MAST4: variants seen among roughly 807,000 people sequenced by gnomAD.
The protein encoded by MAST4 is microtubule associated serine/threonine kinase family member 4, also known as microtubule-associated serine/threonine-protein kinase 4.
MAST4 carries 89 observed loss-of-function variants against 162.7 expected under a neutral mutation model. The observed-to-expected ratio is 0.55, with a 90% CI of 0.46 to 0.65. MAST4 has a LOEUF of 0.65. Ranked by LOEUF, MAST4 falls within the 30% of genes least tolerant of loss-of-function variation. MAST4 has a pLI of 0.00. For missense variants in MAST4, 3,153 were observed against 3,374.0 expected (o/e 0.93, Z 1.62); for synonymous variants, 1,479 against 1,361.1 (o/e 1.09, Z -1.91).
intron 4 of MAST4, among the ~76,000 whole-genome samples, chr5:66,962,172 T>C (rs1378588243): frequency 6.6e-6 from 1 of 152,184 alleles, no homozygotes; most frequent in Non-Finnish European, 1.5e-5. Flanking sequence ...CACAACCAGC[T>C]TGAATCAACC....
chr5:66,901,021 A>G (rs1373489750), intron 4 of MAST4, among the ~76,000 whole-genome samples: 1 of 152,134 alleles, frequency 6.6e-6, no homozygotes, highest in Non-Finnish European at 1.5e-5. Flanking sequence ...TTTAACAGAA[A>G]ATAGTTTGCT....
intron 1 of MAST4, among the ~76,000 whole-genome samples, chr5:66,677,598 G>A (rs1170507963): frequency 5.9e-5 from 9 of 152,194 alleles, no homozygotes; most frequent in Admixed American, 4.6e-4. Context: ...TAGTAAGAGA[G>A]ATAGAAAAGG....
At chr5:66,844,965 A>G (rs1758708356) in intron 3 of MAST4, among the ~76,000 whole-genome samples, 1 of 151,328 alleles carries the variant, frequency 6.6e-6, no homozygotes, top group African/African-American at 2.4e-5. Flanking sequence ...TCTAGGTGTC[A>G]TTATCTTATG....
intron 5 of MAST4, among the ~76,000 whole-genome samples, chr5:67,076,093 G>A (rs1761613241): frequency 6.6e-6 from 1 of 151,666 alleles, no homozygotes; most frequent in African/African-American, 2.4e-5. Context: ...ACCTCTTTCT[G>A]GGAAAGAAAA....
chr5:66,772,234 A>G (rs1754392077), intron 2 of MAST4, among the ~76,000 whole-genome samples: 1 of 152,194 alleles, frequency 6.6e-6, no homozygotes, highest in African/African-American at 2.4e-5. Context: ...ACCATTTCAC[A>G]CAACACTGGA....
At chr5:66,603,418 G>C in intron 1 of MAST4, among the ~76,000 whole-genome samples, 1 of 152,154 alleles carries the variant, frequency 6.6e-6, no homozygotes, top group East Asian at 1.9e-4. Context: ...GCCATGTCCT[G>C]GGGCTAGTGA....
At chr5:66,775,805 C>T (rs1754573945) in intron 2 of MAST4, among the ~76,000 whole-genome samples, 1 of 152,056 alleles carries the variant, frequency 6.6e-6, no homozygotes, top group African/African-American at 2.4e-5. Context: ...AACAAATGGC[C>T]ATTTGGAGGC....
intron 7 of MAST4, among the ~76,000 whole-genome samples, chr5:67,097,083 A>G (rs1403611846): frequency 1.3e-5 from 2 of 152,198 alleles, no homozygotes; most frequent in South Asian, 2.1e-4. Flanking sequence ...CCTTCAGTCA[A>G]GTTTTATTAT....
chr5:66,891,264 C>T (rs1762346809), intron 3 of MAST4, among the ~76,000 whole-genome samples: 1 of 152,118 alleles, frequency 6.6e-6, no homozygotes, highest in Non-Finnish European at 1.5e-5. Context: ...TCTAAATCAG[C>T]CCAGGAGTTA....
intron 3 of MAST4, among the ~76,000 whole-genome samples, chr5:66,827,899 C>G (rs1011081739): frequency 1.3e-5 from 2 of 152,046 alleles, no homozygotes; most frequent in African/African-American, 4.8e-5. Flanking sequence ...CTGTGCCATG[C>G]CAGTAATGAA....
intron 1 of MAST4, among the ~76,000 whole-genome samples, chr5:66,636,780 T>C (rs1050399568): frequency 6.6e-6 from 1 of 152,124 alleles, no homozygotes; most frequent in Non-Finnish European, 1.5e-5. Context: ...CACTTGGAGA[T>C]GAGCTGAAGG....
chr5:66,674,229 A>T (rs1430926067), intron 1 of MAST4, among the ~76,000 whole-genome samples: 1 of 152,196 alleles, frequency 6.6e-6, no homozygotes, highest in Admixed American at 6.5e-5. Flanking sequence ...TGCTGGAATA[A>T]AGTGTGATGA....
chr5:66,647,306 T>G (rs1745905061), intron 1 of MAST4, among the ~76,000 whole-genome samples: 1 of 152,162 alleles, frequency 6.6e-6, no homozygotes. Flanking sequence ...TCTCTAACAC[T>G]AGTCATTCTG....
At chr5:66,870,960 G>C in intron 3 of MAST4, 2 of 411,436 alleles carry the variant, frequency 4.9e-6, no homozygotes, top group Non-Finnish European at 9.8e-6. Flanking sequence ...CAGGGCTTTA[G>C]AATATGGATA....
chr5:67,057,610 G>GAAAGAAAAGAAAAGA (rs61687815), intron 5 of MAST4, among the ~76,000 whole-genome samples: 3,710 of 144,248 alleles, frequency 0.026, 53 homozygotes, highest in Middle Eastern at 0.046. Context: ...AAAAAAGAAG[G>GAAAGAAAAGAAAAGA]AAAGAAAAGA....
chr5:66,745,660 T>C (rs575932940), intron 1 of MAST4, among the ~76,000 whole-genome samples: 1 of 152,286 alleles, frequency 6.6e-6, no homozygotes, highest in East Asian at 1.9e-4. Flanking sequence ...TTATTAGGTG[T>C]TGGACCACAG....
At chr5:66,742,267 G>A (rs1483370576) in intron 1 of MAST4, among the ~76,000 whole-genome samples, 6 of 152,174 alleles carry the variant, frequency 3.9e-5, no homozygotes, top group Non-Finnish European at 7.3e-5. Context: ...TTCATAAGAT[G>A]CCAGTGTGTT....
At chr5:67,037,972 A>G (rs1411957770) in intron 4 of MAST4, among the ~76,000 whole-genome samples, 2 of 152,032 alleles carry the variant, frequency 1.3e-5, no homozygotes, top group Non-Finnish European at 2.9e-5. Flanking sequence ...AAGTGGAATT[A>G]TGTTTTGTTT....
chr5:67,090,278 C>G (rs1169129364), intron 6 of MAST4, 47 bp downstream of exon 6: 1 of 1,445,152 alleles, frequency 6.9e-7, no homozygotes, highest in Non-Finnish European at 9.7e-7. Flanking sequence ...TAGAGAGAAT[C>G]CCATTTTCCT....
Sources: gnomAD v4.1 joint callset for allele counts (sites outside exome capture counted in the v4.1 genomes callset) on GRCh38, gnomAD v4.1.1 for gene constraint, MANE v1.5 for transcripts, NCBI Gene and HGNC (gene_info 2026-07-23, HGNC 2026-07-21) for gene names.